KCTD3: variants seen among roughly 807,000 people sequenced by gnomAD.
The protein encoded by KCTD3 is BTB/POZ domain-containing protein KCTD3.
A neutral mutation model predicts 85.8 loss-of-function variants in KCTD3; 41 were observed. That is an observed-to-expected ratio of 0.48 (90% confidence interval 0.37 to 0.62). The LOEUF (loss-of-function observed/expected upper bound fraction) is 0.62. Among genes scored for constraint, KCTD3 ranks in the 20% least tolerant of loss-of-function variants. The pLI is 0.00. For missense variants in KCTD3, 724 were observed against 989.9 expected, an observed-to-expected ratio of 0.73 and a Z score of 3.60; for synonymous variants, 338 against 345.4, an observed-to-expected ratio of 0.98 and a Z score of 0.24.
chr1:215,591,515 G>A lies in KCTD3; in HGVS notation c.818-3841G>A, dbSNP rs535158399. Among the ~76,000 whole-genome samples, 7 of 152,026 alleles carry A rather than the reference G, an allele frequency of 4.6e-5. No homozygotes were observed. The South Asian group carries it at 1.3e-3, about 27-fold the overall frequency. On this transcript the variant is annotated intron_variant, in intron 9 of 17. Transcript: ENST00000259154. Reference sequence around the variant, plus strand: ...TGGGACTACAGGCACATGCCACCACGCCCAGCTAATTTCTGTATTTTTAGT... The same window carrying A: ...TGGGACTACAGGCACATGCCACCACACCCAGCTAATTTCTGTATTTTTAGT...
At chr1:215,611,174 A>G (rs1009832423) in intron 14 of KCTD3, among the ~76,000 whole-genome samples, 1 of 152,060 alleles carries the variant, frequency 6.6e-6, no homozygotes, top group Admixed American at 6.5e-5. Context: ...CAAATACAAT[A>G]AAGTGAAAAT....
Position 215,586,616 on chromosome 1 carries a change from G to A in KCTD3, c.748G>A (p.Val250Ile). ...GCCACATGGAGACAAAGACAAAATG[G>A]TTGCTGTTGCCTCAGAGAGTAGCAT... ...GGPHGDKDKM[V>I]AVASESSIIL... Residue 250 changes from valine to isoleucine, a missense_variant, in exon 9 of 18, where the codon GTT becomes ATT. By Grantham distance (29) the Val-to-Ile change is conservative. This residue lies in a region of KCTD3 where 146 missense variants were observed against 320.3 expected (regional missense o/e 0.46). Transcript: ENST00000259154. The A allele has an allele frequency of 6.2e-7, 1 of 1,614,134 alleles. No individual in the cohort carries two copies. Among genetic ancestry groups the A allele is most frequent in the Non-Finnish European group, 8.5e-7 (1 of 1,180,016 alleles).
chr1:215,576,107 C>G (rs1659566850), intron 4 of KCTD3, 133 bp downstream of exon 4: 1 of 604,324 alleles, frequency 1.7e-6, no homozygotes, highest in East Asian at 3.1e-5. Context: ...GTTGCCCAGG[C>G]TGGAGTGCAG....
At chr1:215,582,834 T>G (rs550467823) in intron 8 of KCTD3, among the ~76,000 whole-genome samples, 21 of 152,334 alleles carry the variant, frequency 1.4e-4, no homozygotes, top group African/African-American at 5.0e-4. Context: ...AGTGCTGGGA[T>G]TCCAGGCGTG....
chr1:215,595,963 C>G (rs909402168), intron 10 of KCTD3, among the ~76,000 whole-genome samples: 2 of 152,106 alleles, frequency 1.3e-5, no homozygotes, highest in Non-Finnish European at 2.9e-5. Flanking sequence ...AGAAAGATAA[C>G]AGTGGTTGCT....
chr1:215,578,313 C>T, intron 6 of KCTD3, among the ~76,000 whole-genome samples: 1 of 152,154 alleles, frequency 6.6e-6, no homozygotes, highest in East Asian at 1.9e-4. Flanking sequence ...CAGAGGATCT[C>T]TGTGACAGCC....
At chr1:215,619,760 A>T (rs961878458) in intron 17 of KCTD3, among the ~76,000 whole-genome samples, 2 of 152,162 alleles carry the variant, frequency 1.3e-5, no homozygotes, top group Non-Finnish European at 2.9e-5. Context: ...ACCAAGGGCT[A>T]AATACTGAAT....
chr1:215,597,566 T>C (rs1489300210), intron 10 of KCTD3, among the ~76,000 whole-genome samples: 1 of 152,162 alleles, frequency 6.6e-6, no homozygotes, highest in East Asian at 1.9e-4. Context: ...TTCTGAGAAA[T>C]AAGAGATCTT....
chr1:215,611,739 CTTATA>C (rs995126587), intron 14 of KCTD3, 81 bp from the exon 15 acceptor site: 378 of 835,012 alleles, frequency 4.5e-4, no homozygotes, highest in African/African-American at 2.5e-3. Context: ...AAATTCTTTT[CTTATA>C]TTAATATTAA....
intron 8 of KCTD3, 38 bp from the exon 9 acceptor site, chr1:215,586,457 T>G (rs761448206): frequency 6.5e-6 from 10 of 1,539,088 alleles, no homozygotes; most frequent in Non-Finnish European, 8.8e-6. Context: ...GCTTCATTGC[T>G]GCTGAGTCTA....
intron 1 of KCTD3, 151 bp downstream of exon 1, chr1:215,567,919 G>C (rs897644900): frequency 2.1e-6 from 1 of 467,672 alleles, no homozygotes; most frequent in Admixed American, 4.4e-5. Flanking sequence ...CAAGAACGTC[G>C]GGCGGATTTT....
At chr1:215,597,229 T>TAAA (rs796145475) in intron 10 of KCTD3, among the ~76,000 whole-genome samples, 15 of 133,760 alleles carry the variant, frequency 1.1e-4, no homozygotes, top group African/African-American at 4.1e-4. Flanking sequence ...GTAAGAAAAG[T>TAAA]AAAAAAAAAA....
chr1:215,607,183 T>C (rs1655057829), intron 13 of KCTD3, among the ~76,000 whole-genome samples: 1 of 151,972 alleles, frequency 6.6e-6, no homozygotes, highest in South Asian at 2.1e-4. Flanking sequence ...TATGTGTGTA[T>C]ATAAGAAATT....
chr1:215,576,281 C>G (rs954179922), intron 4 of KCTD3, among the ~76,000 whole-genome samples: 2 of 151,710 alleles, frequency 1.3e-5, no homozygotes, highest in African/African-American at 4.8e-5. Context: ...GTTGCCCAGG[C>G]TGATTGCAAA....
At chr1:215,603,477 C>T (rs1295072041) in intron 12 of KCTD3, among the ~76,000 whole-genome samples, 2 of 152,044 alleles carry the variant, frequency 1.3e-5, no homozygotes, top group African/African-American at 4.8e-5. Context: ...AAAGACACAG[C>T]TGAACCTTAG....
Position 215,578,076 on chromosome 1 carries a change from C to T in KCTD3, c.392C>T (p.Pro131Leu), listed in dbSNP as rs372012064. ...GSVLFHGYLPPPGIPSRKINN... is the reference protein window; with the variant it reads ...GSVLFHGYLPLPGIPSRKINN... Reference sequence around the variant, plus strand: ...GTCCTTTTTCATGGTTACTTGCCCCCACCAGGTATTTTCACTTTATTAAAT... The same window carrying T: ...GTCCTTTTTCATGGTTACTTGCCCCTACCAGGTATTTTCACTTTATTAAAT... The change falls in exon 6 of 18, where the codon CCA (proline) becomes CTA (leucine). Residue 131 changes from proline to leucine, a missense_variant. This residue lies in a region of KCTD3 where 106 missense variants were observed against 98.2 expected (regional missense o/e 1.08). Coordinates refer to ENST00000259154, the MANE Select transcript of KCTD3 (RefSeq NM_016121.5). 2.5e-6 allele frequency: 4 copies of T among 1,609,538 alleles called. No homozygotes were observed. The highest frequency in any genetic ancestry group is 2.5e-6 in the Non-Finnish European group (3 of 1,177,296).
chr1:215,602,325 C>A, intron 12 of KCTD3, 124 bp downstream of exon 12: 1 of 547,234 alleles, frequency 1.8e-6, no homozygotes, highest in Non-Finnish European at 3.3e-6. Flanking sequence ...CTAAGGATTT[C>A]ATCTCTACTA....
chr1:215,583,062 T>C (rs533931342), intron 8 of KCTD3, among the ~76,000 whole-genome samples: 1 of 152,276 alleles, frequency 6.6e-6, no homozygotes, highest in South Asian at 2.1e-4. Context: ...AATACCCTAA[T>C]TACTATAGAG....
chr1:215,575,281 TTATG>T (rs1659530977), intron 3 of KCTD3, among the ~76,000 whole-genome samples: 1 of 152,096 alleles, frequency 6.6e-6, no homozygotes, highest in South Asian at 2.1e-4. Context: ...AAGTTACCAA[TTATG>T]TATTTTACAT....
Sources: gnomAD v4.1 joint callset for allele counts (sites outside exome capture counted in the v4.1 genomes callset) on GRCh38, gnomAD v4.1.1 for gene constraint, gnomAD v4.1.1 regional missense constraint, MANE v1.5 for transcripts, NCBI Gene and HGNC (gene_info 2026-07-23, HGNC 2026-07-21) for gene names.